ADCY5: variants seen among roughly 807,000 people sequenced by gnomAD.
ADCY5 encodes adenylate cyclase type 5.
A neutral mutation model predicts 119.7 loss-of-function variants in ADCY5; 30 were observed. That is an observed-to-expected ratio of 0.25 (90% CI 0.19 to 0.34). The LOEUF is 0.34. Among genes scored for constraint, ADCY5 ranks in the 10% least tolerant of loss-of-function variants. ADCY5 has a pLI of 1.00. For missense variants in ADCY5, 1,324 were observed against 1,775.2 expected, an observed-to-expected ratio of 0.75 and a Z score of 4.57; for synonymous variants, 753 against 762.2, an observed-to-expected ratio of 0.99 and a Z score of 0.20.
At chr3:123,442,934 C>CAGCCTGCTGCTGCGCTGGGGTTG (rs1481453914) in intron 1 of ADCY5, among the ~76,000 whole-genome samples, 3 of 152,248 alleles carry the variant, frequency 2.0e-5, no homozygotes, top group African/African-American at 7.2e-5. Flanking sequence ...CCCCCAACCC[C>CAGCCTGCTGCTGCGCTGGGGTTG]AGCCTGCTGC....
intron 1 of ADCY5, among the ~76,000 whole-genome samples, chr3:123,445,106 T>C (rs1006094224): frequency 6.6e-6 from 1 of 152,214 alleles, no homozygotes; most frequent in Admixed American, 6.5e-5. Context: ...CTTGAACCAC[T>C]CATAACAAGC....
chr3:123,367,959 G>A (rs1432391508), intron 1 of ADCY5: 1 of 1,535,194 alleles, frequency 6.5e-7, no homozygotes, highest in Non-Finnish European at 8.7e-7. Flanking sequence ...GACAGGCCTG[G>A]GCCCTACCCA....
intron 3 of ADCY5, among the ~76,000 whole-genome samples, chr3:123,336,446 G>T (rs1293724540): frequency 2.0e-5 from 3 of 152,252 alleles, no homozygotes; most frequent in Non-Finnish European, 4.4e-5. Flanking sequence ...CACAAAGCTG[G>T]CAGGCAGCAC....
rs1178014758 is a variant in ADCY5 at position 123,444,479 on chromosome 3, G to A, written c.1134+2933C>T. Among the ~76,000 whole-genome samples, 7 of 152,098 alleles carry A rather than the reference G, an allele frequency of 4.6e-5. No individual in the cohort carries two copies. In the East Asian group the frequency reaches 1.4e-3, roughly 29 times the overall value. On this transcript the variant is annotated intron_variant, in intron 1 of 20. Coordinates refer to ENST00000462833, the MANE Select transcript of ADCY5 (RefSeq NM_183357.3). ...GAGAGAAGGAGCCGAGGGGGAGGGT[G>A]ACAAACACTATGGACAGAGCCAGAG...
chr3:123,348,247 G>A (rs1942668544), intron 2 of ADCY5, among the ~76,000 whole-genome samples: 1 of 152,016 alleles, frequency 6.6e-6, no homozygotes, highest in South Asian at 2.1e-4. Context: ...GCGTGACCTT[G>A]GGCAAGTTAC....
At chr3:123,419,648 C>T (rs891800557) in intron 1 of ADCY5, among the ~76,000 whole-genome samples, 8 of 152,134 alleles carry the variant, frequency 5.3e-5, no homozygotes, top group African/African-American at 1.4e-4. Context: ...CTTGGGTCAC[C>T]GGGGAAGACT....
At chr3:123,315,064 T>C (rs541604089) in intron 11 of ADCY5, among the ~76,000 whole-genome samples, 28 of 152,308 alleles carry the variant, frequency 1.8e-4, no homozygotes, top group Non-Finnish European at 1.2e-4. Context: ...TGACTTTCCA[T>C]CTGGAACTTC....
At chr3:123,438,898 C>T (rs557557513) in intron 1 of ADCY5, among the ~76,000 whole-genome samples, 1 of 151,898 alleles carries the variant, frequency 6.6e-6, no homozygotes, top group East Asian at 1.9e-4. Context: ...AGGTGCGTTC[C>T]ACCACACCTG....
intron 1 of ADCY5, among the ~76,000 whole-genome samples, chr3:123,364,585 C>G (rs1335837274): frequency 6.6e-6 from 1 of 151,824 alleles, no homozygotes; most frequent in Non-Finnish European, 1.5e-5. Context: ...AGAGGACTGG[C>G]CAGAGATGAG....
chr3:123,396,620 A>AAGGG (rs139662616), intron 1 of ADCY5, among the ~76,000 whole-genome samples: 2 of 132,132 alleles, frequency 1.5e-5, no homozygotes, highest in East Asian at 2.6e-4. Flanking sequence ...AGGGAGGAAG[A>AAGGG]AGGGAGGGAG....
intron 1 of ADCY5, among the ~76,000 whole-genome samples, chr3:123,357,070 A>G (rs920658577): frequency 8.5e-5 from 13 of 152,150 alleles, no homozygotes; most frequent in Non-Finnish European, 1.9e-4. Flanking sequence ...GTTGCCAGGG[A>G]GCAGTGGGTA....
chr3:123,391,171 C>T (rs1276246596), intron 1 of ADCY5, among the ~76,000 whole-genome samples: 4 of 151,834 alleles, frequency 2.6e-5, no homozygotes, highest in Non-Finnish European at 5.9e-5. Context: ...TACCTCTAGG[C>T]GGGTGGGAGG....
At chr3:123,311,303 C>G (rs542868159) in intron 12 of ADCY5, among the ~76,000 whole-genome samples, 1 of 152,362 alleles carries the variant, frequency 6.6e-6, no homozygotes, top group Admixed American at 6.5e-5. Flanking sequence ...AGCTTTGTGA[C>G]AGCACCTGCA....
chr3:123,379,788 C>T (rs1943967471), intron 1 of ADCY5, among the ~76,000 whole-genome samples: 1 of 152,184 alleles, frequency 6.6e-6, no homozygotes, highest in Non-Finnish European at 1.5e-5. Flanking sequence ...CTGATCAGAC[C>T]TTCTGTGAAC....
intron 1 of ADCY5, among the ~76,000 whole-genome samples, chr3:123,371,365 C>T (rs1313956350): frequency 6.6e-6 from 1 of 152,220 alleles, no homozygotes; most frequent in Non-Finnish European, 1.5e-5. Flanking sequence ...TATAAAATGT[C>T]AGGAAAGCAA....
Position 123,330,871 on chromosome 3 carries a change from C to A in ADCY5, c.1646+18G>T, listed in dbSNP as rs377556468. Reference sequence around the variant, plus strand: ...CAGTCCCAGGGAGGGAGACGGTACCCGGGGGGTGGACACTTACGAGATGGC... The same window carrying A: ...CAGTCCCAGGGAGGGAGACGGTACCAGGGGGGTGGACACTTACGAGATGGC... On this transcript the variant is annotated intron_variant, in intron 5 of 20. Transcript: ENST00000462833. 1 of 1,601,754 alleles carries A rather than the reference C, an allele frequency of 6.2e-7. No individual in the cohort carries two copies. The highest frequency in any genetic ancestry group is 1.7e-5 in the Admixed American group (1 of 58,170).
intron 16 of ADCY5, chr3:123,296,955 G>A: frequency 6.5e-7 from 1 of 1,531,170 alleles, no homozygotes; most frequent in African/African-American, 1.4e-5. Flanking sequence ...GCAGGGACGG[G>A]TCCCACAAGC....
intron 1 of ADCY5, among the ~76,000 whole-genome samples, chr3:123,408,494 A>T (rs1944962116): frequency 6.6e-6 from 1 of 150,596 alleles, no homozygotes. Context: ...CATCTCTACT[A>T]AAAATACAAA....
At chr3:123,335,233 T>A (rs780565275) in intron 3 of ADCY5, among the ~76,000 whole-genome samples, 22 of 151,934 alleles carry the variant, frequency 1.4e-4, no homozygotes, top group Admixed American at 1.3e-4. Flanking sequence ...CAAACCACAA[T>A]AAAGGGCCCT....
Sources: gnomAD v4.1 joint callset for allele counts (sites outside exome capture counted in the v4.1 genomes callset) on GRCh38, gnomAD v4.1.1 for gene constraint, MANE v1.5 for transcripts, NCBI Gene and HGNC (gene_info 2026-07-23, HGNC 2026-07-21) for gene names.